AKAP6: variants seen among roughly 807,000 people sequenced by gnomAD.
AKAP6 encodes A-kinase anchoring protein 6.
A neutral mutation model predicts 188.5 loss-of-function variants in AKAP6; 58 were observed. That is an observed-to-expected ratio of 0.31 (90% CI 0.25 to 0.38). The LOEUF (loss-of-function observed/expected upper bound fraction) is 0.38, where lower values mean the gene tolerates loss of function less well. Among genes scored for constraint, AKAP6 ranks in the 10% least tolerant of loss-of-function variants. The pLI is 1.00. For missense variants in AKAP6, 2,710 were observed against 2,740.0 expected, an observed-to-expected ratio of 0.99 and a Z score of 0.24; for synonymous variants, 989 against 998.6, an observed-to-expected ratio of 0.99 and a Z score of 0.18.
chr14:32,491,634 C>T (rs1202304950), intron 2 of AKAP6, among the ~76,000 whole-genome samples: 12 of 152,190 alleles, frequency 7.9e-5, no homozygotes, highest in Admixed American at 7.9e-4. Flanking sequence ...CCTCTCTGGA[C>T]CTTGATTTCC....
intron 8 of AKAP6, among the ~76,000 whole-genome samples, chr14:32,695,598 C>T (rs1398174763): frequency 1.3e-5 from 2 of 152,070 alleles, no homozygotes; most frequent in Non-Finnish European, 2.9e-5. Flanking sequence ...GCTGTTCTTA[C>T]CCAAAATTCA....
At chr14:32,794,686 A>G (rs2033711482) in intron 12 of AKAP6, among the ~76,000 whole-genome samples, 1 of 152,210 alleles carries the variant, frequency 6.6e-6, no homozygotes, top group Non-Finnish European at 1.5e-5. Flanking sequence ...GCCCATATCA[A>G]AAAGCTAGAA....
chr14:32,535,890 A>C, intron 3 of AKAP6, 85 bp downstream of exon 3: 1 of 1,522,318 alleles, frequency 6.6e-7, no homozygotes, highest in Non-Finnish European at 8.9e-7. Context: ...TAGGATAGGA[A>C]TTCTTTGTAG....
chr14:32,507,630 C>A (rs1312724798), intron 2 of AKAP6, among the ~76,000 whole-genome samples: 3 of 151,708 alleles, frequency 2.0e-5, no homozygotes, highest in African/African-American at 7.3e-5. Context: ...TTTACCATTG[C>A]AAGGCAACAT....
At chr14:32,718,286 A>T in intron 9 of AKAP6, 1 of 985,384 alleles carries the variant, frequency 1.0e-6, no homozygotes, top group Non-Finnish European at 1.2e-6. Context: ...CATTGAAATG[A>T]CAGTCAAGCT....
In AKAP6 at chr14:32,836,373, A is replaced by G. The variant is rs936210255; in HGVS notation, c.*6568A>G. On this transcript the variant is annotated 3_prime_UTR_variant, in exon 14 of 14. Coordinates refer to ENST00000280979, the MANE Select transcript of AKAP6 (RefSeq NM_004274.5). ...CAAGCTCCCTTGGGCCCCTTTTACG[A>G]AAGCACTAATTCCATTCATGAAGAC... 3 of 152,194 alleles carry G rather than the reference A, an allele frequency of 2.0e-5. No individual in the cohort carries two copies. Among genetic ancestry groups the G allele is most frequent in the African/African-American group, 7.2e-5 (3 of 41,442 alleles). 9.4% of individuals were successfully genotyped at this position (152,194 alleles called of 1,614,324 possible). A position where few individuals can be genotyped will look rare whatever the true frequency, so the allele number is the denominator to read the frequency against.
At chr14:32,732,648 C>T (rs752684519) in intron 10 of AKAP6, 48 bp downstream of exon 10, 22 of 1,591,230 alleles carry the variant, frequency 1.4e-5, no homozygotes, top group Admixed American at 5.0e-5. Context: ...ACATTTTTTG[C>T]GTAGTGAAGT....
chr14:32,371,954 TTTC>T (rs1455144460), intron 1 of AKAP6, among the ~76,000 whole-genome samples: 1 of 152,156 alleles, frequency 6.6e-6, no homozygotes, highest in Admixed American at 6.5e-5. Flanking sequence ...TTCTCTTTTC[TTTC>T]TTCTCTCCTT....
chr14:32,642,305 C>T (rs931028435), intron 7 of AKAP6, among the ~76,000 whole-genome samples: 1 of 152,194 alleles, frequency 6.6e-6, no homozygotes, highest in Non-Finnish European at 1.5e-5. Flanking sequence ...TTTCCACTTG[C>T]ATTCAATAAT....
chr14:32,344,202 TC>T (rs1171504130), intron 1 of AKAP6, among the ~76,000 whole-genome samples: 1 of 152,216 alleles, frequency 6.6e-6, no homozygotes, highest in Non-Finnish European at 1.5e-5. Context: ...TGTCCCATGA[TC>T]CATCCATACA....
At chr14:32,656,786 C>T (rs1321344466) in intron 7 of AKAP6, among the ~76,000 whole-genome samples, 1 of 152,114 alleles carries the variant, frequency 6.6e-6, no homozygotes, top group Non-Finnish European at 1.5e-5. Context: ...AAGGAAGGCC[C>T]TATGAACTTA....
Position 32,475,763 on chromosome 14 carries a change from C to T in AKAP6, c.324+41946C>T, listed in dbSNP as rs765024063. ...GCTTATCTCTGCTCACTGCAAGCTC[C>T]GTCTCCTGGGTTCATGCCATTCTCC... is the stretch of plus-strand genomic sequence containing the variant. On this transcript the variant is annotated intron_variant, in intron 2 of 13. Coordinates refer to ENST00000280979, the MANE Select transcript of AKAP6 (RefSeq NM_004274.5). Among the ~76,000 whole-genome samples the T allele has an allele frequency of 1.7e-4, 25 of 151,424 alleles. 1 individual carries two copies. Among genetic ancestry groups the T allele is most frequent in the African/African-American group, 2.4e-4 (10 of 41,248 alleles).
At chr14:32,600,378 CA>C (rs1885876148) in intron 6 of AKAP6, among the ~76,000 whole-genome samples, 1 of 151,878 alleles carries the variant, frequency 6.6e-6, no homozygotes, top group Non-Finnish European at 1.5e-5. Context: ...TTTTTTAAGT[CA>C]ATATACTGAG....
rs533261594 is a variant in AKAP6 at position 32,787,106 on chromosome 14, A to G, written c.3588+13213A>G. Among the ~76,000 whole-genome samples, 37 of 152,374 alleles carry G rather than the reference A, an allele frequency of 2.4e-4. 1 individual carries two copies. In the East Asian group the frequency reaches 5.4e-3, roughly 22 times the overall value. ...CACTTTGCATCAATGTCCATGCATC[A>G]TGGTAATTGAGGTAACATAACCAAT... On this transcript the variant is annotated intron_variant, in intron 12 of 13. Transcript: ENST00000280979.
chr14:32,363,193 T>C (rs1483903119), intron 1 of AKAP6, among the ~76,000 whole-genome samples: 1 of 152,140 alleles, frequency 6.6e-6, no homozygotes, highest in Non-Finnish European at 1.5e-5. Flanking sequence ...CAGTTAACCC[T>C]CTAGACTACT....
rs75228228 is a variant in AKAP6, at chr14:32,658,959, T to C, written c.2731-19352T>C. ...TTTTATATTATTCTGTTTTGTATTATAGTTAGTTGTTAGAATTTGTGTCCT... is the reference window on the plus strand; with the variant it reads ...TTTTATATTATTCTGTTTTGTATTACAGTTAGTTGTTAGAATTTGTGTCCT... On this transcript the variant is annotated intron_variant, in intron 7 of 13. Coordinates refer to ENST00000280979, the MANE Select transcript of AKAP6 (RefSeq NM_004274.5). 5.5e-3 allele frequency among the ~76,000 whole-genome samples: 834 copies of C among 152,218 alleles called. 9 individuals carry two copies. Among genetic ancestry groups the C allele is most frequent in the African/African-American group, 0.019 (778 of 41,548 alleles).
chr14:32,551,731 T>C (rs1883475434), intron 4 of AKAP6, among the ~76,000 whole-genome samples: 1 of 151,882 alleles, frequency 6.6e-6, no homozygotes, highest in Non-Finnish European at 1.5e-5. Flanking sequence ...CGATCTCGGC[T>C]CACTGCAAGC....
intron 2 of AKAP6, among the ~76,000 whole-genome samples, chr14:32,517,643 G>A (rs1181311386): frequency 6.6e-6 from 1 of 152,226 alleles, no homozygotes; most frequent in Admixed American, 6.5e-5. Context: ...AGCAAGGCTG[G>A]GGGAGGGGCG....
intron 11 of AKAP6, among the ~76,000 whole-genome samples, chr14:32,736,556 T>C (rs577723270): frequency 6.6e-6 from 1 of 152,164 alleles, no homozygotes; most frequent in Admixed American, 6.6e-5. Context: ...TGCTTGAATC[T>C]TTCCATAAAT....
Sources: allele counts gnomAD v4.1 joint callset (sites outside exome capture counted in the v4.1 genomes callset), GRCh38; gene constraint gnomAD v4.1.1; transcripts MANE v1.5; gene names NCBI Gene and HGNC (gene_info 2026-07-23, HGNC 2026-07-21).